The following SBNO2 variants were observed in gnomAD, a reference collection of about 807,000 sequenced individuals.
The protein encoded by SBNO2 is protein strawberry notch homolog 2.
In SBNO2, 89 loss-of-function variants were observed where a neutral mutation model predicts 146.3. That is an observed-to-expected ratio of 0.61 (90% CI 0.51 to 0.73). The LOEUF is 0.73. SBNO2 is among the 30% of genes least tolerant of loss of function. SBNO2 has a pLI of 0.00. For synonymous variants in SBNO2, 1,147 were observed against 892.6 expected (o/e 1.29, Z -5.08); for missense variants, 2,092 against 2,003.7 (o/e 1.04, Z -0.84).
intron 1 of SBNO2, among the ~76,000 whole-genome samples, chr19:1,161,925 G>GGGGGGGT (rs2080350834): frequency 2.1e-5 from 1 of 46,582 alleles, no homozygotes. Flanking sequence ...GGGGGGGGGG[G>GGGGGGGT]TTGGGCCAGG....
At chr19:1,119,273 A>G in intron 13 of SBNO2, 109 bp from the exon 14 acceptor site, 3 of 1,346,112 alleles carry the variant, frequency 2.2e-6, no homozygotes, top group Non-Finnish European at 3.0e-6. Flanking sequence ...GCAGGAGCAG[A>G]GCCCTGGCGG....
chr19:1,133,275 G>T (rs927785387), intron 4 of SBNO2, among the ~76,000 whole-genome samples: 1 of 152,182 alleles, frequency 6.6e-6, no homozygotes, highest in Non-Finnish European at 1.5e-5. Flanking sequence ...TGTGAGGGGA[G>T]GAAGGGCCCG....
chr19:1,134,064 T>G (rs1439413119), intron 4 of SBNO2, among the ~76,000 whole-genome samples: 1 of 137,932 alleles, frequency 7.2e-6, no homozygotes, highest in East Asian at 2.3e-4. Flanking sequence ...ACAGGACCCA[T>G]AGCTCATGGG....
intron 2 of SBNO2, among the ~76,000 whole-genome samples, chr19:1,153,763 C>A (rs1439343977): frequency 6.6e-6 from 1 of 152,176 alleles, no homozygotes; most frequent in African/African-American, 2.4e-5. Context: ...GTCTTGAACT[C>A]GGGACCTCAG....
At position 1,127,695 on chromosome 19, in the gene SBNO2, A is replaced by C; in HGVS notation, c.350T>G (p.Ile117Ser). The C allele has an allele frequency of 6.2e-7, 1 of 1,613,582 alleles. No individual in the cohort carries two copies. Among genetic ancestry groups the C allele is most frequent in the Non-Finnish European group, 8.5e-7 (1 of 1,179,840 alleles). Residue 117 changes from isoleucine (I) to serine (S), a missense_variant, in exon 5 of 32, where the codon ATC becomes AGC. Coordinates refer to ENST00000361757, the MANE Select transcript of SBNO2 (RefSeq NM_014963.3). Reference sequence around the variant, plus strand: ...CGGCAGGAAGTCGGGCGTGTCCACGATGTCCGACAGGGAGTCCACGGACGA... The same window carrying C: ...CGGCAGGAAGTCGGGCGTGTCCACGCTGTCCGACAGGGAGTCCACGGACGA... ...FSSSVDSLSD[I>S]VDTPDFLPAD...
At chr19:1,120,441 A>G (rs1411162651) in intron 11 of SBNO2, among the ~76,000 whole-genome samples, 2 of 152,166 alleles carry the variant, frequency 1.3e-5, no homozygotes, top group Non-Finnish European at 2.9e-5. Context: ...ATGTCAGCTC[A>G]CTGCAACCTC....
Position 1,136,465 on chromosome 19 carries a change from C to G in SBNO2, c.280-8700G>C, listed in dbSNP as rs1024661499. Among the ~76,000 whole-genome samples the G allele has an allele frequency of 1.3e-5, 2 of 152,208 alleles. No individual in the cohort carries two copies. The highest frequency in any genetic ancestry group is 4.8e-5 in the African/African-American group (2 of 41,456). On this transcript the variant is annotated intron_variant, in intron 4 of 31. Coordinates refer to ENST00000361757, the MANE Select transcript of SBNO2 (RefSeq NM_014963.3). The surrounding 1 kb of genome is among the most constrained non-coding windows in gnomAD (Gnocchi z 4.2). ...GCTGAGTCTCCCTCTCTAAGGCTGT[C>G]TGTGGGCGGCTCTGCCGGCCCCTCC...
intron 1 of SBNO2, among the ~76,000 whole-genome samples, chr19:1,165,642 CTTCAGAT>C (rs1448810016): frequency 1.6e-4 from 24 of 146,566 alleles, no homozygotes; most frequent in African/African-American, 5.5e-4. Flanking sequence ...AGATCCCAGA[CTTCAGAT>C]CCCTAGATCC....
chr19:1,151,154 T>A (rs2080238790), intron 2 of SBNO2, among the ~76,000 whole-genome samples: 1 of 152,236 alleles, frequency 6.6e-6, no homozygotes, highest in African/African-American at 2.4e-5. Context: ...CAAGGCCATG[T>A]GGCACATCCG....
chr19:1,152,313 T>C (rs1269971435), intron 2 of SBNO2, among the ~76,000 whole-genome samples: 1 of 152,174 alleles, frequency 6.6e-6, no homozygotes, highest in Non-Finnish European at 1.5e-5. Context: ...TTCCCCACCG[T>C]AGAGCCTCTG....
At chr19:1,124,111 C>T (rs1394592665) in intron 5 of SBNO2, 89 bp from the exon 6 acceptor site, 7 of 1,237,434 alleles carry the variant, frequency 5.7e-6, no homozygotes, top group South Asian at 1.3e-5. Flanking sequence ...AGGGAGGCTC[C>T]CCACTGCCCC....
At chr19:1,117,276 C>T (rs759210526) in intron 15 of SBNO2, 47 bp downstream of exon 15, 150 of 1,513,080 alleles carry the variant, frequency 9.9e-5, no homozygotes, top group Non-Finnish European at 1.3e-4. Flanking sequence ...AGCCTCCGCC[C>T]CTGCAGGCCC....
chr19:1,155,990 CCA>C (rs1418936944), intron 1 of SBNO2, among the ~76,000 whole-genome samples: 1 of 152,222 alleles, frequency 6.6e-6, no homozygotes, highest in Non-Finnish European at 1.5e-5. Context: ...AGCTCTGAGG[CCA>C]CACAGTCCTG....
In SBNO2 at chr19:1,109,037, G is replaced by C; in HGVS notation, c.3426-68C>G. ...GGCCCGCAGGCTCCCCAGGTGCCCT[G>C]AGATCTCCCGCCTCCTCTCAGGGTC... On this transcript the variant is annotated intron_variant, in intron 30 of 31. Transcript: ENST00000361757. This position sits in a 1 kb window ranked among gnomAD's most constrained non-coding sequence, Gnocchi z 4.2. 1 of 1,498,702 alleles carries C rather than the reference G, an allele frequency of 6.7e-7. No homozygotes were observed. Among genetic ancestry groups the C allele is most frequent in the Non-Finnish European group, 8.9e-7 (1 of 1,125,038 alleles). The allele number at this position is 1,498,702 out of a possible 1,614,324, so 92.8% of individuals were successfully genotyped here.
chr19:1,122,570 G>T lies in SBNO2; in HGVS notation c.915-12C>A. The T allele has an allele frequency of 1.3e-6, 2 of 1,529,640 alleles. No homozygotes were observed. The highest frequency in any genetic ancestry group is 4.0e-5 in the Admixed American group (2 of 50,392). 94.8% of individuals were successfully genotyped at this position (1,529,640 alleles called of 1,614,324 possible). On this transcript the variant is annotated splice_polypyrimidine_tract_variant and intron_variant, in intron 9 of 31. Transcript: ENST00000361757. ...TGGAGACGCTGAACCTGCGGGGTGG[G>T]GGCGTCAGGCGCGCCCACCCTTCCC...
In SBNO2 at chr19:1,120,061, G is replaced by A. The variant is rs559428034; in HGVS notation, c.1150-38C>T. 320 of 1,510,924 alleles carry A rather than the reference G, an allele frequency of 2.1e-4. 10 individuals carry two copies. The South Asian group carries it at 3.5e-3, about 16-fold the overall frequency. The allele number at this position is 1,510,924 out of a possible 1,614,324, so 93.6% of individuals were successfully genotyped here. On this transcript the variant is annotated intron_variant, in intron 11 of 31. Coordinates refer to ENST00000361757, the MANE Select transcript of SBNO2 (RefSeq NM_014963.3). ...TGGGTTAAGGAGTATTCTGAAGGACGGGGGCGACCCCAGGAGCCCAGGTCC... is the reference window on the plus strand; with the variant it reads ...TGGGTTAAGGAGTATTCTGAAGGACAGGGGCGACCCCAGGAGCCCAGGTCC...
At position 1,109,557 on chromosome 19, in the gene SBNO2, G is replaced by C. The variant is rs1464110198; in HGVS notation, c.3165C>G (p.Ala1055=). The C allele has an allele frequency of 1.2e-6, 2 of 1,601,016 alleles. No individual in the cohort carries two copies. Among genetic ancestry groups the C allele is most frequent in the Non-Finnish European group, 8.5e-7 (1 of 1,175,090 alleles). ...AGGGGCCCGTCAGCGCCAGCGACTTGGCAAAGGCGTCCTCCCACTTCAGGC... is the reference window on the plus strand; with the variant it reads ...AGGGGCCCGTCAGCGCCAGCGACTTCGCAAAGGCGTCCTCCCACTTCAGGC... The part of the protein sequence containing the change: ...DRGLKWEDAF[A]KSLALTGPYD... The change falls in exon 28 of 32, where the codon GCC becomes GCG. Residue 1055 remains alanine, a synonymous_variant. Transcript: ENST00000361757. This position sits in a 1 kb window ranked among gnomAD's most constrained non-coding sequence, Gnocchi z 4.2.
chr19:1,111,130 CCCCTGCCCCT>C, intron 24 of SBNO2, 37 bp from the exon 25 acceptor site: 3 of 1,532,618 alleles, frequency 2.0e-6, no homozygotes, highest in Non-Finnish European at 2.6e-6. Flanking sequence ...GGTCTTCCCA[CCCCTGCCCCT>C]CCCTCGAAGC....
At chr19:1,156,267 G>T (rs550888101) in intron 1 of SBNO2, among the ~76,000 whole-genome samples, 63 of 152,284 alleles carry the variant, frequency 4.1e-4, no homozygotes, top group African/African-American at 1.4e-3. Context: ...AGGCTCAGGG[G>T]ACCGGGTTCT....
Sources: allele counts gnomAD v4.1 joint callset (sites outside exome capture counted in the v4.1 genomes callset), GRCh38; gene constraint gnomAD v4.1.1; non-coding constraint Gnocchi (gnomAD v3.1); transcripts MANE v1.5; gene names NCBI Gene and HGNC (gene_info 2026-07-23, HGNC 2026-07-21).